The following TBCK variants were observed in gnomAD, a reference collection of about 807,000 sequenced individuals.
The protein encoded by TBCK is TBC1 domain containing kinase.
TBCK carries 99 observed loss-of-function variants against 113.4 expected under a neutral mutation model. The observed-to-expected ratio is 0.87, with a 90% CI of 0.74 to 1.03. TBCK has a LOEUF of 1.03. Ranked by LOEUF, TBCK falls within the 50% of genes least tolerant of loss-of-function variation. The pLI, the probability that TBCK is intolerant of heterozygous loss-of-function variation, is 0.00. For missense variants in TBCK, 1,045 were observed against 1,061.3 expected (o/e 0.98, Z 0.21); for synonymous variants, 369 against 370.8 (o/e 1.00, Z 0.05).
chr4:106,247,845 T>A (rs576636714), intron 9 of TBCK: 1 of 157,304 alleles, frequency 6.4e-6, no homozygotes, highest in Non-Finnish European at 1.4e-5. Flanking sequence ...GAAATCCTTT[T>A]TTATTGTCAA....
chr4:106,248,788 A>G, intron 8 of TBCK, 133 bp downstream of exon 8: 3 of 660,068 alleles, frequency 4.5e-6, no homozygotes, highest in Non-Finnish European at 7.6e-6. Flanking sequence ...GACCAAACGT[A>G]CTGGTGCCTT....
At chr4:106,072,449 G>A (rs4552462) in intron 25 of TBCK, among the ~76,000 whole-genome samples, 11,607 of 152,256 alleles carry the variant, frequency 0.076, 508 homozygotes, top group Middle Eastern at 0.18. Flanking sequence ...CTGGTAGAGT[G>A]TCTGCCGAGA....
chr4:106,301,666 CAT>C (rs1217371752), intron 2 of TBCK, among the ~76,000 whole-genome samples: 35 of 152,242 alleles, frequency 2.3e-4, no homozygotes, highest in Non-Finnish European at 4.7e-4. Context: ...GCTAACATAA[CAT>C]GTGAAAACAT....
chr4:106,073,711 G>C (rs1737806948), intron 25 of TBCK, among the ~76,000 whole-genome samples: 1 of 152,320 alleles, frequency 6.6e-6, no homozygotes, highest in South Asian at 2.1e-4. Context: ...GCTGTGCCCT[G>C]CCCCAGAGCT....
chr4:106,150,189 T>C (rs1305852834), intron 23 of TBCK, among the ~76,000 whole-genome samples: 1 of 152,144 alleles, frequency 6.6e-6, no homozygotes, highest in African/African-American at 2.4e-5. Flanking sequence ...GTTGCTTTTG[T>C]TCATGAAGAA....
In TBCK at chr4:106,163,845, G is replaced by C. The variant is rs1750075717; in HGVS notation, c.2235+7250C>G. Among the ~76,000 whole-genome samples, 4 of 152,116 alleles carry C rather than the reference G, an allele frequency of 2.6e-5. No individual in the cohort carries two copies. The South Asian group carries it at 8.3e-4, about 32-fold the overall frequency. On this transcript the variant is annotated intron_variant, in intron 23 of 25. Coordinates refer to ENST00000394708, the MANE Select transcript of TBCK (RefSeq NM_001163435.3). ...ACACAGTCAAACCATATCAATCTCTGTCTGGGAATTTGTTTGCCTTTCTTC... is the reference window on the plus strand; with the variant it reads ...ACACAGTCAAACCATATCAATCTCTCTCTGGGAATTTGTTTGCCTTTCTTC...
At chr4:106,303,231 G>C (rs1298832082) in intron 2 of TBCK, among the ~76,000 whole-genome samples, 3 of 152,092 alleles carry the variant, frequency 2.0e-5, no homozygotes, top group Non-Finnish European at 4.4e-5. Context: ...AATCAATTTT[G>C]AAAAGTCTAG....
rs188078606 is a variant in TBCK at position 106,070,310 on chromosome 4, G to A, written c.2572-23630C>T. 6.8e-4 allele frequency among the ~76,000 whole-genome samples: 103 copies of A among 152,244 alleles called. 3 individuals are homozygous for A. Among genetic ancestry groups the A allele is most frequent in the Admixed American group, 1.8e-3 (27 of 15,284 alleles). The stretch of plus-strand genomic sequence containing the variant: ...AATAGCTCTTATTATTTTGAGATAC[G>A]TTCCATCAATACCTAGTTTACTGAG... On this transcript the variant is annotated intron_variant, in intron 25 of 25. Transcript: ENST00000394708.
intron 25 of TBCK, among the ~76,000 whole-genome samples, chr4:106,087,287 C>T (rs1263094534): frequency 6.6e-6 from 1 of 151,934 alleles, no homozygotes; most frequent in Non-Finnish European, 1.5e-5. Flanking sequence ...TTTACACCAA[C>T]AATAGGCAGG....
chr4:106,235,011 T>C (rs1355705264), intron 15 of TBCK, among the ~76,000 whole-genome samples: 1 of 152,102 alleles, frequency 6.6e-6, no homozygotes, highest in South Asian at 2.1e-4. Context: ...AAATATTCTA[T>C]GGTAATAATC....
intron 23 of TBCK, among the ~76,000 whole-genome samples, chr4:106,120,150 T>G (rs1744095157): frequency 6.6e-6 from 1 of 152,276 alleles, no homozygotes; most frequent in Non-Finnish European, 1.5e-5. Context: ...ATTGCCTCAC[T>G]GGGGAAGCGC....
chr4:106,217,233 T>C (rs1057163111), intron 19 of TBCK, among the ~76,000 whole-genome samples: 4 of 152,114 alleles, frequency 2.6e-5, no homozygotes, highest in African/African-American at 9.7e-5. Flanking sequence ...TAATAAGAGC[T>C]ATCTATGAGA....
intron 23 of TBCK, among the ~76,000 whole-genome samples, chr4:106,153,463 AAACATATGGTCTATCTCTGGATAGAG>A (rs1472287680): frequency 6.6e-6 from 1 of 152,122 alleles, no homozygotes; most frequent in East Asian, 1.9e-4. Context: ...GCTTTGTCTT[AAACATATGGTCTATCTCTGGATAGAG>A]AACATATGGT....
At chr4:106,208,537 A>G (rs1370298812) in intron 20 of TBCK, among the ~76,000 whole-genome samples, 1 of 151,976 alleles carries the variant, frequency 6.6e-6, no homozygotes, top group Non-Finnish European at 1.5e-5. Flanking sequence ...TGGTGGGAAG[A>G]CTACCCAACT....
chr4:106,229,346 A>G (rs1450518524), intron 19 of TBCK, among the ~76,000 whole-genome samples: 2 of 152,012 alleles, frequency 1.3e-5, no homozygotes, highest in Non-Finnish European at 2.9e-5. Flanking sequence ...GAGCTTCCCC[A>G]GTGTTTTCTT....
chr4:106,261,018 A>G (rs1354890439), intron 4 of TBCK, among the ~76,000 whole-genome samples: 1 of 152,034 alleles, frequency 6.6e-6, no homozygotes, highest in Non-Finnish European at 1.5e-5. Context: ...ATAACTTTTT[A>G]TATTGTTTGA....
chr4:106,191,535 A>G (rs1349096716), intron 22 of TBCK, among the ~76,000 whole-genome samples: 2 of 152,190 alleles, frequency 1.3e-5, no homozygotes, highest in Non-Finnish European at 2.9e-5. Context: ...TAGATAAGCT[A>G]GGCAGCTTTG....
intron 5 of TBCK, among the ~76,000 whole-genome samples, chr4:106,252,899 C>T (rs1184703804): frequency 6.6e-6 from 1 of 152,062 alleles, no homozygotes; most frequent in African/African-American, 2.4e-5. Context: ...CCTATTTCCT[C>T]ACAACTTCAC....
At chr4:106,209,366 A>AT (rs199799232) in intron 20 of TBCK, among the ~76,000 whole-genome samples, 1 of 152,142 alleles carries the variant, frequency 6.6e-6, no homozygotes, top group African/African-American at 2.4e-5. Context: ...TTACTCTAAA[A>AT]TTTTTTAAAC....
Sources: allele counts gnomAD v4.1 joint callset (sites outside exome capture counted in the v4.1 genomes callset), GRCh38; gene constraint gnomAD v4.1.1; transcripts MANE v1.5; gene names NCBI Gene and HGNC (gene_info 2026-07-23, HGNC 2026-07-21).